Variants in PTPRE observed in about 807,000 individuals in gnomAD.
PTPRE encodes the protein receptor-type tyrosine-protein phosphatase epsilon.
Under a neutral mutation model 102.0 loss-of-function variants are expected in PTPRE, and 51 were observed. The ratio of observed to expected loss-of-function variants is 0.50; its 90% CI spans 0.40 to 0.63. The LOEUF is 0.63. PTPRE is among the 30% of genes least tolerant of loss of function. PTPRE has a pLI of 0.00. For missense variants in PTPRE, 752 were observed against 915.1 expected (o/e 0.82, Z 2.30); for synonymous variants, 345 against 348.2 (o/e 0.99, Z 0.10).
chr10:127,958,483 G>T (rs1589832070), intron 1 of PTPRE, among the ~76,000 whole-genome samples: 1 of 152,136 alleles, frequency 6.6e-6, no homozygotes, highest in South Asian at 2.1e-4. Context: ...GCCTGTTGAT[G>T]TGATGGATTA....
chr10:127,932,458 A>T (rs1361935540), intron 1 of PTPRE, among the ~76,000 whole-genome samples: 1 of 151,630 alleles, frequency 6.6e-6, no homozygotes, highest in East Asian at 1.9e-4. Flanking sequence ...GGAAATGAAG[A>T]CATACACAGG....
intron 1 of PTPRE, among the ~76,000 whole-genome samples, chr10:127,917,758 G>A (rs966354906): frequency 3.9e-5 from 6 of 152,092 alleles, no homozygotes; most frequent in Non-Finnish European, 5.9e-5. Flanking sequence ...GGCTGGGCAC[G>A]GTGGCTCACA....
intron 1 of PTPRE, among the ~76,000 whole-genome samples, chr10:127,977,037 A>C (rs1198117975): frequency 6.6e-6 from 1 of 152,186 alleles, no homozygotes; most frequent in Non-Finnish European, 1.5e-5. Context: ...TATTTGGAGT[A>C]ATGATCCTGC....
At chr10:128,034,514 AC>A (rs76724209) in intron 2 of PTPRE, among the ~76,000 whole-genome samples, 17,620 of 150,538 alleles carry the variant, frequency 0.12, 1,004 homozygotes, top group East Asian at 0.15. Context: ...ACATAGTGAG[AC>A]CCCCCCCATC....
chr10:128,064,179 C>G (rs1849857482), intron 10 of PTPRE, among the ~76,000 whole-genome samples: 1 of 152,150 alleles, frequency 6.6e-6, no homozygotes, highest in African/African-American at 2.4e-5. Context: ...AGATGGGTGG[C>G]AGGAGCCCAC....
intron 2 of PTPRE, among the ~76,000 whole-genome samples, chr10:128,036,292 C>T (rs1037237326): frequency 1.4e-4 from 21 of 152,014 alleles, no homozygotes; most frequent in African/African-American, 4.6e-4. Flanking sequence ...CTCCCCCACA[C>T]GCTGCACTTG....
chr10:127,953,854 G>T (rs1849214952), intron 1 of PTPRE, among the ~76,000 whole-genome samples: 1 of 152,180 alleles, frequency 6.6e-6, no homozygotes, highest in Non-Finnish European at 1.5e-5. Flanking sequence ...ACCTGGTTGT[G>T]CACTTTGCTT....
In PTPRE at chr10:127,968,312, G is replaced by C. The variant is rs552649112; in HGVS notation, c.-30-13962G>C. Among the ~76,000 whole-genome samples, 8 of 152,272 alleles carry C rather than the reference G, an allele frequency of 5.3e-5. No individual in the cohort carries two copies. In the East Asian group the frequency reaches 1.5e-3, roughly 29 times the overall value. ...GAGGCAGTTGCTGTTAGGTTTGGTG[G>C]GGGGAGGGGAAGGTGACTTTCACAA... On this transcript the variant is annotated intron_variant, in intron 1 of 20. Transcript: ENST00000254667.
intron 2 of PTPRE, among the ~76,000 whole-genome samples, chr10:127,990,147 G>A (rs1204579438): frequency 1.3e-5 from 2 of 151,884 alleles, no homozygotes; most frequent in Non-Finnish European, 2.9e-5. Context: ...AAAGTTGAAT[G>A]GCCTCTGTAA....
chr10:128,027,202 G>A (rs751441928), intron 2 of PTPRE, among the ~76,000 whole-genome samples: 32 of 152,242 alleles, frequency 2.1e-4, no homozygotes, highest in Non-Finnish European at 3.5e-4. Context: ...GCCCAGAAAG[G>A]TTGATTTGTA....
At chr10:128,014,195 C>A (rs2135636682) in intron 2 of PTPRE, among the ~76,000 whole-genome samples, 1 of 152,230 alleles carries the variant, frequency 6.6e-6, no homozygotes, top group South Asian at 2.1e-4. Context: ...CCACAGGTCC[C>A]CTCCAGGCAC....
At chr10:128,082,373 A>C (rs1590268721) in intron 20 of PTPRE, among the ~76,000 whole-genome samples, 1 of 151,062 alleles carries the variant, frequency 6.6e-6, no homozygotes, top group Non-Finnish European at 1.5e-5. Context: ...CACTATGCCC[A>C]GCTAATTTTT....
intron 1 of PTPRE, among the ~76,000 whole-genome samples, chr10:127,946,776 G>A (rs139967497): frequency 1.2e-4 from 19 of 152,320 alleles, no homozygotes; most frequent in African/African-American, 4.6e-4. Flanking sequence ...GCTCGTGTCT[G>A]TAATCCCAGC....
At position 127,944,500 on chromosome 10, in the gene PTPRE, A is replaced by AAG. The variant is rs1848485916; in HGVS notation, c.-31+37191_-31+37192insAG. On this transcript the variant is annotated intron_variant, in intron 1 of 20. Transcript: ENST00000254667. The surrounding 1 kb of genome is among the most constrained non-coding windows in gnomAD (Gnocchi z 4.2). ...GATGGATGGATGGATGGATGGATGGATGGATGGATGGATGGGTGGATGGAT... is the reference window on the plus strand; with the variant it reads ...GATGGATGGATGGATGGATGGATGGAAGTGGATGGATGGATGGGTGGATGGAT... Among the ~76,000 whole-genome samples the AAG allele has an allele frequency of 8.6e-3, 1,255 of 146,128 alleles. 85 individuals are homozygous for AAG. The East Asian group carries it at 0.17, about 20-fold the overall frequency.
Position 127,995,544 on chromosome 10 carries a change from G to C in PTPRE, c.-8+13248G>C, listed in dbSNP as rs867353040. On this transcript the variant is annotated intron_variant, in intron 2 of 20. Coordinates refer to ENST00000254667, the MANE Select transcript of PTPRE (RefSeq NM_006504.6). The stretch of plus-strand genomic sequence containing the variant: ...CTTAGCTGACTGTCCAGACCCTGAC[G>C]GTGGGGTTTAGAATTGGATAGCATC... Among the ~76,000 whole-genome samples the C allele has an allele frequency of 2.6e-5, 4 of 152,142 alleles. No homozygotes were observed. The South Asian group carries it at 8.3e-4, about 32-fold the overall frequency.
chr10:127,968,589 G>A (rs1227103631), intron 1 of PTPRE, among the ~76,000 whole-genome samples: 1 of 152,232 alleles, frequency 6.6e-6, no homozygotes, highest in South Asian at 2.1e-4. Flanking sequence ...AGAAAGGTTT[G>A]AGGCAATTTG....
chr10:128,040,143 G>T (rs547491993), intron 2 of PTPRE, among the ~76,000 whole-genome samples: 1 of 152,138 alleles, frequency 6.6e-6, no homozygotes, highest in Non-Finnish European at 1.5e-5. Context: ...CTCCATCCTC[G>T]CAGAGGCAGC....
intron 2 of PTPRE, among the ~76,000 whole-genome samples, chr10:128,006,963 G>A (rs930052123): frequency 2.6e-5 from 4 of 152,172 alleles, no homozygotes; most frequent in Non-Finnish European, 4.4e-5. Flanking sequence ...ACGGCTCCTA[G>A]TCAGGTCAAC....
chr10:127,965,020 A>T, intron 1 of PTPRE: 1 of 456,594 alleles, frequency 2.2e-6, no homozygotes, highest in South Asian at 1.5e-5. Context: ...TTTCGGTTTT[A>T]AGCATCTTTT....
Sources: gnomAD v4.1 joint callset for allele counts (sites outside exome capture counted in the v4.1 genomes callset) on GRCh38, gnomAD v4.1.1 for gene constraint, Gnocchi (gnomAD v3.1) non-coding constraint, MANE v1.5 for transcripts, NCBI Gene and HGNC (gene_info 2026-07-23, HGNC 2026-07-21) for gene names.